PTCHD4: variants seen among roughly 807,000 people sequenced by gnomAD.
PTCHD4 encodes the protein patched domain-containing protein 4.
In PTCHD4, 33 loss-of-function variants were observed where a neutral mutation model predicts 58.1. The observed-to-expected ratio is 0.57, with a 90% CI of 0.43 to 0.76. The LOEUF (loss-of-function observed/expected upper bound fraction) is 0.76, where lower values mean the gene tolerates loss of function less well. Among genes scored for constraint, PTCHD4 ranks in the 30% least tolerant of loss-of-function variants. The pLI, the probability that PTCHD4 is intolerant of heterozygous loss-of-function variation, is 0.00. For synonymous variants in PTCHD4, 478 were observed against 409.6 expected, an observed-to-expected ratio of 1.17 and a Z score of -2.02; for missense variants, 1,058 against 1,027.1, an observed-to-expected ratio of 1.03 and a Z score of -0.41.
intron 1 of PTCHD4, among the ~76,000 whole-genome samples, chr6:48,109,045 A>G (rs1336208596): frequency 6.6e-6 from 1 of 152,154 alleles, no homozygotes; most frequent in Non-Finnish European, 1.5e-5. Context: ...TTTCTAGGAC[A>G]ACAAAAGTGA....
At chr6:48,010,886 G>C (rs146831905) in intron 3 of PTCHD4, among the ~76,000 whole-genome samples, 1,581 of 151,828 alleles carry the variant, frequency 0.01, 30 homozygotes, top group African/African-American at 0.036. Context: ...GTGGTTTCCA[G>C]CTTCATCCAA....
intron 4 of PTCHD4, among the ~76,000 whole-genome samples, chr6:47,930,405 T>C (rs1400057932): frequency 6.6e-6 from 1 of 152,150 alleles, no homozygotes; most frequent in Non-Finnish European, 1.5e-5. Context: ...ATTCCCAAAA[T>C]AAAGTTCTGA....
chr6:47,968,331 A>G (rs558812854), intron 4 of PTCHD4, among the ~76,000 whole-genome samples: 1 of 152,210 alleles, frequency 6.6e-6, no homozygotes, highest in East Asian at 1.9e-4. Flanking sequence ...CAATTACAAT[A>G]GTAACATCAA....
At chr6:47,924,979 TTA>T (rs201881324) in intron 4 of PTCHD4, among the ~76,000 whole-genome samples, 8 of 149,698 alleles carry the variant, frequency 5.3e-5, no homozygotes, top group African/African-American at 1.2e-4. Context: ...TATATACATT[TTA>T]TATATATGTA....
chr6:48,013,864 T>C (rs1323053713), intron 3 of PTCHD4, among the ~76,000 whole-genome samples: 11 of 152,158 alleles, frequency 7.2e-5, no homozygotes, highest in Non-Finnish European at 1.5e-5. Flanking sequence ...GATTTATTCA[T>C]CTCTTGGGGC....
chr6:47,921,340 T>C (rs565879145), intron 4 of PTCHD4, among the ~76,000 whole-genome samples: 41 of 152,322 alleles, frequency 2.7e-4, no homozygotes, highest in African/African-American at 9.4e-4. Flanking sequence ...ATTTATCTTT[T>C]GTTAATTAAA....
chr6:47,890,703 G>A (rs1764349583), intron 4 of PTCHD4, among the ~76,000 whole-genome samples: 1 of 152,110 alleles, frequency 6.6e-6, no homozygotes, highest in Non-Finnish European at 1.5e-5. Context: ...CCCCAGCTGA[G>A]TTGGCTTTGT....
At position 48,068,575 on chromosome 6, in the gene PTCHD4, G is replaced by C. The variant is rs1764887357; in HGVS notation, c.72C>G (p.Leu24=). 1.3e-6 allele frequency: 2 copies of C among 1,575,188 alleles called. No homozygotes were observed. Among genetic ancestry groups the C allele is most frequent in the Non-Finnish European group, 8.6e-7 (1 of 1,165,674 alleles). Residue 24 remains leucine, a synonymous_variant, in exon 3 of 5, where the codon CTC becomes CTG. Coordinates refer to ENST00000339488, the MANE Select transcript of PTCHD4 (RefSeq NM_001384253.1). The surrounding 1 kb of genome is among the most constrained non-coding windows in gnomAD (Gnocchi z 4.2). ...RMLRQVLRRG[L]QSFCHRLGLC... is the part of the protein sequence containing the mutation. ...AACCCAGCCTGTGGCAGAACGACTG[G>C]AGCCCTCTGCGAAGCACCTGCCGCA... is the stretch of plus-strand genomic sequence containing the variant.
chr6:47,930,268 A>T (rs1765768332), intron 4 of PTCHD4, among the ~76,000 whole-genome samples: 1 of 152,258 alleles, frequency 6.6e-6, no homozygotes, highest in Admixed American at 6.5e-5. Context: ...GCATTCAGCT[A>T]CATTAAATAA....
In PTCHD4 at chr6:48,098,459, C is replaced by G. The variant is rs537160677; in HGVS notation, c.-970+12590G>C. ...GTTCAAGTGATTCTCCCACCTCAGC[C>G]TCCTGAGTAGCTGGGATTACAGGTG... On this transcript the variant is annotated intron_variant, in intron 1 of 4. Transcript: ENST00000339488. Among the ~76,000 whole-genome samples, 122 of 152,084 alleles carry G rather than the reference C, an allele frequency of 8.0e-4. 1 individual carries two copies. The highest frequency in any genetic ancestry group is 2.8e-3 in the African/African-American group (116 of 41,486).
At chr6:47,887,820 G>C (rs545618699) in intron 4 of PTCHD4, among the ~76,000 whole-genome samples, 1 of 152,282 alleles carries the variant, frequency 6.6e-6, no homozygotes, top group Non-Finnish European at 1.5e-5. Context: ...AGCCCCAAAG[G>C]TTGCTCAATT....
intron 4 of PTCHD4, among the ~76,000 whole-genome samples, chr6:48,001,165 A>C (rs937031059): frequency 3.9e-5 from 6 of 152,226 alleles, no homozygotes; most frequent in African/African-American, 7.2e-5. Context: ...CAATATCATG[A>C]AAATGGCCAT....
intron 4 of PTCHD4, among the ~76,000 whole-genome samples, chr6:47,893,273 T>A (rs1212212724): frequency 6.6e-6 from 1 of 152,164 alleles, no homozygotes; most frequent in Non-Finnish European, 1.5e-5. Context: ...CCTCCCAAAG[T>A]ACTGGGATTA....
chr6:48,101,558 CT>C (rs1765603352), intron 1 of PTCHD4, among the ~76,000 whole-genome samples: 2 of 152,178 alleles, frequency 1.3e-5, no homozygotes, highest in Non-Finnish European at 2.9e-5. Flanking sequence ...TTCTCATTGT[CT>C]TTTACAGTTG....
At chr6:47,938,235 G>A (rs115680404) in intron 4 of PTCHD4, among the ~76,000 whole-genome samples, 2,608 of 152,270 alleles carry the variant, frequency 0.017, 36 homozygotes, top group South Asian at 0.047. Flanking sequence ...AGAAAGATGA[G>A]GACTGAGGAT....
chr6:48,031,443 C>A (rs1035015971), intron 3 of PTCHD4, among the ~76,000 whole-genome samples: 17 of 152,086 alleles, frequency 1.1e-4, no homozygotes, highest in Non-Finnish European at 2.2e-4. Context: ...GCACCTATCA[C>A]AATAGTGTCC....
At chr6:47,919,702 T>A (rs921147660) in intron 4 of PTCHD4, among the ~76,000 whole-genome samples, 1 of 152,158 alleles carries the variant, frequency 6.6e-6, no homozygotes, top group Non-Finnish European at 1.5e-5. Context: ...AGGGCAACCA[T>A]TAAAAGGCTT....
chr6:47,912,961 G>A (rs1025358561), intron 4 of PTCHD4, among the ~76,000 whole-genome samples: 3 of 152,088 alleles, frequency 2.0e-5, no homozygotes, highest in African/African-American at 7.2e-5. Flanking sequence ...TGCTCAAGAT[G>A]AGAGTGAGAA....
intron 3 of PTCHD4, among the ~76,000 whole-genome samples, chr6:48,059,623 G>A (rs1262524018): frequency 6.6e-6 from 1 of 151,084 alleles, no homozygotes; most frequent in Non-Finnish European, 1.5e-5. Context: ...GGGCGACAGA[G>A]TGAGACTGTC....
Sources: gnomAD v4.1 joint callset for allele counts (sites outside exome capture counted in the v4.1 genomes callset) on GRCh38, gnomAD v4.1.1 for gene constraint, Gnocchi (gnomAD v3.1) non-coding constraint, MANE v1.5 for transcripts, NCBI Gene and HGNC (gene_info 2026-07-23, HGNC 2026-07-21) for gene names.